Variants in RGS8 observed in about 807,000 individuals in gnomAD.
The protein encoded by RGS8 is regulator of G-protein signaling 8.
RGS8 carries 8 observed loss-of-function variants against 21.7 expected under a neutral mutation model. The ratio of observed to expected loss-of-function variants is 0.37; its 90% confidence interval spans 0.22 to 0.66. The LOEUF (loss-of-function observed/expected upper bound fraction) is 0.66, where lower values mean the gene tolerates loss of function less well. RGS8 is among the 30% of genes least tolerant of loss of function. The pLI, the probability that RGS8 is intolerant of heterozygous loss-of-function variation, is 0.59. For synonymous variants in RGS8, 80 were observed against 83.6 expected (o/e 0.96, Z 0.24); for missense variants, 157 against 217.9 (o/e 0.72, Z 1.76).
the RGS8 span, among the ~76,000 whole-genome samples, chr1:182,737,943 T>C: frequency 1.2e-3 from 176 of 152,314 alleles, no homozygotes; most frequent in African/African-American, 4.0e-3. Context: ...TGCAACCCAA[T>C]TGAAGCCCTG....
chr1:182,701,797 G>GT, the RGS8 span, among the ~76,000 whole-genome samples: 1 of 152,100 alleles, frequency 6.6e-6, no homozygotes, highest in African/African-American at 2.4e-5. Flanking sequence ...CACTGCTGGG[G>GT]TTCTCTACTT....
the RGS8 span, among the ~76,000 whole-genome samples, chr1:182,736,621 T>A: frequency 6.6e-6 from 1 of 152,204 alleles, no homozygotes; most frequent in Non-Finnish European, 1.5e-5. Context: ...GTCATGGATG[T>A]TAGCCCTGGG....
chr1:182,732,230 TTCTC>T, the RGS8 span, among the ~76,000 whole-genome samples: 8 of 137,086 alleles, frequency 5.8e-5, no homozygotes, highest in East Asian at 4.1e-4. Flanking sequence ...CTCTCTCTCT[TTCTC>T]TCTCTCTCTC....
the RGS8 span, among the ~76,000 whole-genome samples, chr1:182,700,183 C>T: frequency 6.6e-6 from 1 of 152,202 alleles, no homozygotes; most frequent in Non-Finnish European, 1.5e-5. Context: ...GATCCCTCGG[C>T]GGTTAGGCCG....
chr1:182,703,332 A>C, the RGS8 span, among the ~76,000 whole-genome samples: 1 of 152,194 alleles, frequency 6.6e-6, no homozygotes, highest in Non-Finnish European at 1.5e-5. Context: ...AGGAGATTAC[A>C]CTAATCTGAA....
chr1:182,729,726 A>G, the RGS8 span, among the ~76,000 whole-genome samples: 2 of 152,234 alleles, frequency 1.3e-5, no homozygotes, highest in Non-Finnish European at 2.9e-5. Context: ...AAGCTATGAA[A>G]TAATAGGTAA....
chr1:182,652,401 G>A lies in RGS8; in HGVS notation c.194-4098C>T, dbSNP rs149410145. ...GGTTTCAGCTCTGTTGGGTCTTTGT[G>A]CGGATGAGTAGAGATAACTTCTGCA... is the stretch of plus-strand genomic sequence containing the variant. On this transcript the variant is annotated intron_variant, in intron 5 of 6. Coordinates refer to ENST00000483095, the Ensembl canonical transcript of RGS8. Among the ~76,000 whole-genome samples, 173 of 152,316 alleles carry A rather than the reference G, an allele frequency of 1.1e-3. 1 individual carries two copies. The highest frequency in any genetic ancestry group is 3.9e-3 in the African/African-American group (164 of 41,570).
chr1:182,737,329 A>AC, the RGS8 span, among the ~76,000 whole-genome samples: 1 of 151,768 alleles, frequency 6.6e-6, no homozygotes, highest in African/African-American at 2.4e-5. Flanking sequence ...TGTGTATTTG[A>AC]CCATAAGGAA....
chr1:182,651,802 T>C (rs978935505), intron 5 of RGS8, among the ~76,000 whole-genome samples: 3 of 152,208 alleles, frequency 2.0e-5, no homozygotes, highest in African/African-American at 7.2e-5. Flanking sequence ...AGGCAGAGGT[T>C]GGAGGGAAAA....
chr1:182,708,549 C>T, the RGS8 span, among the ~76,000 whole-genome samples: 23 of 152,378 alleles, frequency 1.5e-4, no homozygotes, highest in African/African-American at 5.0e-4. Flanking sequence ...ATGACTTCCA[C>T]AGAACGTGTC....
At chr1:182,735,715 T>G in the RGS8 span, among the ~76,000 whole-genome samples, 10 of 152,348 alleles carry the variant, frequency 6.6e-5, no homozygotes, top group East Asian at 1.9e-3. Context: ...CACCAGTTTG[T>G]GATTATATTT....
At chr1:182,705,102 C>G in the RGS8 span, among the ~76,000 whole-genome samples, 1 of 152,148 alleles carries the variant, frequency 6.6e-6, no homozygotes. Flanking sequence ...GAAGCAACAC[C>G]ATACATATAG....
At chr1:182,688,843 A>G (rs1462172484), upstream of RGS8, among the ~76,000 whole-genome samples, 2 of 152,206 alleles carry the variant, frequency 1.3e-5, no homozygotes, top group African/African-American at 4.8e-5. Context: ...TGTAATCACA[A>G]GGAATTGAAT....
At chr1:182,742,672 G>A in the RGS8 span, among the ~76,000 whole-genome samples, 12 of 152,182 alleles carry the variant, frequency 7.9e-5, no homozygotes, top group African/African-American at 2.9e-4. Flanking sequence ...AGGTTGCAGT[G>A]AGCCGAGATG....
chr1:182,679,848 A>G (rs1055145335), intron 1 of RGS8, among the ~76,000 whole-genome samples: 1 of 152,018 alleles, frequency 6.6e-6, no homozygotes, highest in Admixed American at 6.6e-5. Flanking sequence ...ACACACACAT[A>G]TAAACCTTGG....
chr1:182,662,473 C>T (rs1221223573), intron 5 of RGS8, among the ~76,000 whole-genome samples: 1 of 152,180 alleles, frequency 6.6e-6, no homozygotes, highest in Non-Finnish European at 1.5e-5. Context: ...GAGATCCTAT[C>T]CCGATCATCC....
At chr1:182,722,422 C>G in the RGS8 span, among the ~76,000 whole-genome samples, 46 of 150,234 alleles carry the variant, frequency 3.1e-4, no homozygotes, top group East Asian at 7.1e-3. Context: ...ATTATTATCT[C>G]TCAATTCTGG....
chr1:182,689,843 A>G, the RGS8 span, among the ~76,000 whole-genome samples: 4 of 152,228 alleles, frequency 2.6e-5, no homozygotes, highest in East Asian at 7.7e-4. Flanking sequence ...ATGCACATAC[A>G]CAATGACACT....
At chr1:182,685,333 G>A (rs1664676500), upstream of RGS8, among the ~76,000 whole-genome samples, 2 of 152,194 alleles carry the variant, frequency 1.3e-5, no homozygotes, top group South Asian at 4.1e-4. Flanking sequence ...TGGACAGCTT[G>A]GGCCAGAGCC....
Sources: gnomAD v4.1 joint callset for allele counts (sites outside exome capture counted in the v4.1 genomes callset) on GRCh38, gnomAD v4.1.1 for gene constraint, MANE v1.5 for transcripts, NCBI Gene and HGNC (gene_info 2026-07-23, HGNC 2026-07-21) for gene names.